CUL9: variants seen among roughly 807,000 people sequenced by gnomAD.
The protein encoded by CUL9 is cullin-9.
A neutral mutation model predicts 272.6 loss-of-function variants in CUL9; 79 were observed. The ratio of observed to expected loss-of-function variants is 0.29; its 90% CI spans 0.24 to 0.35. The LOEUF is 0.35. Ranked by LOEUF, CUL9 falls within the 10% of genes least tolerant of loss-of-function variation. The pLI is 1.00. For synonymous variants in CUL9, 1,186 were observed against 1,286.5 expected, an observed-to-expected ratio of 0.92 and a Z score of 1.67; for missense variants, 2,532 against 3,255.6, an observed-to-expected ratio of 0.78 and a Z score of 5.41.
intron 9 of CUL9, among the ~76,000 whole-genome samples, chr6:43,195,116 C>T (rs1408597837): frequency 1.3e-5 from 2 of 152,152 alleles, no homozygotes; most frequent in African/African-American, 4.8e-5. Context: ...GTCTACAGAA[C>T]TCAGCTAACT....
intron 4 of CUL9, 113 bp downstream of exon 4, chr6:43,186,568 AT>A: frequency 7.1e-7 from 1 of 1,409,920 alleles, no homozygotes; most frequent in Non-Finnish European, 9.5e-7. Context: ...CCCCTGGGGA[AT>A]TGGAATGATA....
rs1302850620 is a variant in CUL9, at chr6:43,220,704, T to G, written c.6424-43T>G. 2 of 1,605,338 alleles carry G rather than the reference T, an allele frequency of 1.2e-6. No individual in the cohort carries two copies. Among genetic ancestry groups the G allele is most frequent in the Non-Finnish European group, 1.7e-6 (2 of 1,175,130 alleles). On this transcript the variant is annotated intron_variant, in intron 32 of 40. Coordinates refer to ENST00000252050, the MANE Select transcript of CUL9 (RefSeq NM_015089.4). This position sits in a 1 kb window ranked among gnomAD's most constrained non-coding sequence, Gnocchi z 4.9. ...CTGGGGGCCTGGAGGTGTGGCATCC[T>G]GGAGAGCCATACCCTCACCTCGTGG... is the stretch of plus-strand genomic sequence containing the variant.
At chr6:43,193,967 T>C (rs1773759989) in intron 9 of CUL9, among the ~76,000 whole-genome samples, 1 of 152,142 alleles carries the variant, frequency 6.6e-6, no homozygotes, top group South Asian at 2.1e-4. Context: ...ACATAGAAAA[T>C]ACTCTGTTAC....
chr6:43,201,330 T>C (rs1489951628), intron 16 of CUL9, among the ~76,000 whole-genome samples: 1 of 151,992 alleles, frequency 6.6e-6, no homozygotes, highest in Non-Finnish European at 1.5e-5. Context: ...CTGAGCTGGG[T>C]TTTGACATTG....
chr6:43,215,128 A>G lies in CUL9; in HGVS notation c.5738A>G (p.His1913Arg). Residue 1913 changes from histidine to arginine, a missense_variant, in exon 30 of 41, where the codon CAC becomes CGC. Transcript: ENST00000252050. ...KGPNPPGTLG[H>R]TVAGGVACTS... ...CCAAATCCTCCTGGAACCCTGGGCC[A>G]CACTGTTGCTGGGGGTGTGGCCTGT... is the stretch of plus-strand genomic sequence containing the variant. 1 of 1,614,008 alleles carries G rather than the reference A, an allele frequency of 6.2e-7. No homozygotes were observed. The highest frequency in any genetic ancestry group is 8.5e-7 in the Non-Finnish European group (1 of 1,179,886).
rs763953698 is a variant in CUL9, at chr6:43,218,534, C to G, written c.6283-1925C>G. Among the ~76,000 whole-genome samples the G allele has an allele frequency of 1.7e-4, 26 of 152,276 alleles. No homozygotes were observed. The highest frequency in any genetic ancestry group is 3.3e-4 in the Admixed American group (5 of 15,302). ...CCCGGCCCTACATTTTTTAAAAGATCGCTTCTGCCGTTGTGTGGAGAAAAG... is the reference window on the plus strand; with the variant it reads ...CCCGGCCCTACATTTTTTAAAAGATGGCTTCTGCCGTTGTGTGGAGAAAAG... On this transcript the variant is annotated intron_variant, in intron 31 of 40. Coordinates refer to ENST00000252050, the MANE Select transcript of CUL9 (RefSeq NM_015089.4). This position sits in a 1 kb window ranked among gnomAD's most constrained non-coding sequence, Gnocchi z 4.4.
At chr6:43,210,141 G>A (rs1775361125) in intron 26 of CUL9, among the ~76,000 whole-genome samples, 1 of 151,772 alleles carries the variant, frequency 6.6e-6, no homozygotes, top group African/African-American at 2.4e-5. Flanking sequence ...ACCATGCCTG[G>A]CTAATTTTTG....
rs769074644 is a variant in CUL9, at chr6:43,186,186, A to G, written c.982A>G (p.Met328Val). The change falls in exon 4 of 41, where the codon ATG becomes GTG. Residue 328 changes from methionine to valine, a missense_variant. Physicochemically the swap from Met to Val is conservative, Grantham distance 21. Transcript: ENST00000252050. ...GGCCCGGAACCTCAGCGAACAGGGC[A>G]TGTCACCTCCCCGGCCAACCCGGTC... ...GWARNLSEQG[M>V]SPPRPTRSIF... The G allele has an allele frequency of 2.5e-6, 4 of 1,614,220 alleles. No individual in the cohort carries two copies. Among genetic ancestry groups the G allele is most frequent in the Non-Finnish European group, 3.4e-6 (4 of 1,180,046 alleles).
chr6:43,192,514 AC>A (rs1454770467), intron 8 of CUL9, among the ~76,000 whole-genome samples: 1 of 152,172 alleles, frequency 6.6e-6, no homozygotes, highest in African/African-American at 2.4e-5. Context: ...CTACTGAAAA[AC>A]AATACAAAAA....
At chr6:43,189,000 G>A (rs1274514856) in intron 8 of CUL9, 2 of 258,226 alleles carry the variant, frequency 7.7e-6, no homozygotes, top group East Asian at 7.4e-5. Context: ...TATGGGTGAG[G>A]AAACTGAAGC....
At position 43,216,970 on chromosome 6, in the gene CUL9, T is replaced by C. The variant is rs573366990; in HGVS notation, c.6282+467T>C. On this transcript the variant is annotated intron_variant, in intron 31 of 40. Coordinates refer to ENST00000252050, the MANE Select transcript of CUL9 (RefSeq NM_015089.4). ...AGTGTTAGTAGATTGGTGATGACTCTAGTTTGTGGTTGCCCTTATTACCAT... is the reference window on the plus strand; with the variant it reads ...AGTGTTAGTAGATTGGTGATGACTCCAGTTTGTGGTTGCCCTTATTACCAT... 8.5e-5 allele frequency among the ~76,000 whole-genome samples: 13 copies of C among 152,362 alleles called. No individual in the cohort carries two copies. The South Asian group carries it at 2.7e-3, about 32-fold the overall frequency.
chr6:43,195,123 A>T (rs775797948), intron 9 of CUL9, among the ~76,000 whole-genome samples: 2 of 152,200 alleles, frequency 1.3e-5, no homozygotes, highest in African/African-American at 2.4e-5. Flanking sequence ...GAACTCAGCT[A>T]ACTAGGGGAG....
In CUL9 at chr6:43,184,155, T is replaced by C. The variant is rs1388360534; in HGVS notation, c.-9-147T>C. 2 of 506,168 alleles carry C rather than the reference T, an allele frequency of 4.0e-6. No homozygotes were observed. The highest frequency in any genetic ancestry group is 6.8e-6 in the Non-Finnish European group (2 of 292,750). 31.4% of individuals were successfully genotyped at this position (506,168 alleles called of 1,614,324 possible). A position where few individuals can be genotyped will look rare whatever the true frequency, so the allele number is the denominator to read the frequency against. On this transcript the variant is annotated intron_variant, in intron 1 of 40. Transcript: ENST00000252050. This position sits in a 1 kb window ranked among gnomAD's most constrained non-coding sequence, Gnocchi z 4.8. The stretch of plus-strand genomic sequence containing the variant: ...ATGTTCAGCTATTTATTCCATCCTA[T>C]TTTTTGCCTTTTCTGTTTGGCCTCC...
chr6:43,222,492 G>A (rs112422722), intron 36 of CUL9, 39 bp from the exon 37 acceptor site: 150,128 of 1,603,704 alleles, frequency 0.094, 7,577 homozygotes, highest in Non-Finnish European at 0.1. Context: ...GTGGTGCTGC[G>A]CCACCTGTGC....
In CUL9 at chr6:43,222,782, C is replaced by T; in HGVS notation, c.7036C>T (p.Leu2346=). ...GAGCTGATGGGAGCCCCTGCAGGTG[C>T]TGGCCTACGCCTGCGTGTACAGCTT... is the stretch of plus-strand genomic sequence containing the variant. ...CQGLEQARKV[L]AYACVYSFYS... is the part of the protein sequence containing the mutation. Residue 2346 remains leucine, a synonymous_variant, in exon 38 of 41, where the codon CTG becomes TTG. Coordinates refer to ENST00000252050, the MANE Select transcript of CUL9 (RefSeq NM_015089.4). 6.2e-7 allele frequency: 1 copy of T among 1,613,766 alleles called. No homozygotes were observed. Among genetic ancestry groups the T allele is most frequent in the African/African-American group, 1.3e-5 (1 of 75,036 alleles).
In CUL9 at chr6:43,200,802, C is replaced by T; in HGVS notation, c.3615C>T (p.Ile1205=). The T allele has an allele frequency of 6.2e-7, 1 of 1,614,238 alleles. No individual in the cohort carries two copies. The highest frequency in any genetic ancestry group is 8.5e-7 in the Non-Finnish European group (1 of 1,180,048). ...ACGGCAGCACCGGCTCCCACTACATCACCCTGCACATGCACCGTGGTGTTC... is the reference window on the plus strand; with the variant it reads ...ACGGCAGCACCGGCTCCCACTACATTACCCTGCACATGCACCGTGGTGTTC... The part of the protein sequence containing the change: ...ESNGSTGSHY[I]TLHMHRGVLV... The change falls in exon 16 of 41, where the codon ATC becomes ATT. Residue 1205 remains isoleucine, a synonymous_variant. Transcript: ENST00000252050. The surrounding 1 kb of genome is among the most constrained non-coding windows in gnomAD (Gnocchi z 4.0).
chr6:43,197,184 T>C (rs1344378364), intron 11 of CUL9, among the ~76,000 whole-genome samples: 4 of 151,888 alleles, frequency 2.6e-5, no homozygotes, highest in African/African-American at 7.3e-5. Context: ...GTAGCTGGGA[T>C]TATAGGCACC....
At chr6:43,191,301 T>TG in intron 8 of CUL9, among the ~76,000 whole-genome samples, 1 of 139,148 alleles carries the variant, frequency 7.2e-6, no homozygotes, top group African/African-American at 2.9e-5. Context: ...TGCGTGTTGT[T>TG]TTTTTTTTTG....
chr6:43,197,050 ATT>A (rs368413188), intron 11 of CUL9, among the ~76,000 whole-genome samples, 188 bp downstream of exon 11: 6 of 146,758 alleles, frequency 4.1e-5, no homozygotes, highest in Non-Finnish European at 4.5e-5. Flanking sequence ...AGGAAATTGC[ATT>A]TTTTTTTTTT....
Sources: allele counts gnomAD v4.1 joint callset (sites outside exome capture counted in the v4.1 genomes callset), GRCh38; gene constraint gnomAD v4.1.1; non-coding constraint Gnocchi (gnomAD v3.1); transcripts MANE v1.5; gene names NCBI Gene and HGNC (gene_info 2026-07-23, HGNC 2026-07-21).